Variants in PPP1R12B observed in about 807,000 individuals in gnomAD.
The protein encoded by PPP1R12B is myosin phosphatase target subunit 2.
A neutral mutation model predicts 126.1 loss-of-function variants in PPP1R12B; 76 were observed. The ratio of observed to expected loss-of-function variants is 0.60; its 90% CI spans 0.50 to 0.73. The LOEUF (loss-of-function observed/expected upper bound fraction) is 0.73, where lower values mean the gene tolerates loss of function less well. Among genes scored for constraint, PPP1R12B ranks in the 30% least tolerant of loss-of-function variants. The pLI, the probability that PPP1R12B is intolerant of heterozygous loss-of-function variation, is 0.00. For synonymous variants in PPP1R12B, 356 were observed against 434.7 expected (o/e 0.82, Z 2.25); for missense variants, 1,052 against 1,205.1 (o/e 0.87, Z 1.88).
chr1:202,415,548 T>C (rs1461097884), intron 1 of PPP1R12B, among the ~76,000 whole-genome samples: 1 of 152,216 alleles, frequency 6.6e-6, no homozygotes, highest in Admixed American at 6.5e-5. Flanking sequence ...ATCCAAGCCT[T>C]GGTAATGGTT....
chr1:202,359,207 C>T (rs945850626), intron 1 of PPP1R12B, among the ~76,000 whole-genome samples: 11 of 151,772 alleles, frequency 7.2e-5, no homozygotes, highest in Admixed American at 1.3e-4. Context: ...TGCAGTGGTG[C>T]GATCTTGGCC....
chr1:202,446,248 A>AT (rs1684193784), intron 12 of PPP1R12B, among the ~76,000 whole-genome samples: 2 of 60,686 alleles, frequency 3.3e-5, no homozygotes, highest in African/African-American at 1.8e-4. Context: ...ATATATATAT[A>AT]TATATATATT....
chr1:202,569,575 G>A (rs1688397692), intron 23 of PPP1R12B, among the ~76,000 whole-genome samples: 2 of 152,170 alleles, frequency 1.3e-5, no homozygotes, highest in African/African-American at 4.8e-5. Context: ...TGGGTGCCTG[G>A]GGAAGCCTGA....
rs1477475751 is a variant in PPP1R12B at position 202,351,741 on chromosome 1, C to A, written c.291+2599C>A. 2.0e-5 allele frequency among the ~76,000 whole-genome samples: 3 copies of A among 152,200 alleles called. No homozygotes were observed. In the East Asian group the frequency reaches 5.8e-4, roughly 29 times the overall value. ...TTATCTGGATAATTGCTTCTTTTCT[C>A]TCTTTTGGCCATGGCCACTTGACCA... On this transcript the variant is annotated intron_variant, in intron 1 of 23. Transcript: ENST00000608999.
Position 202,495,373 on chromosome 1 carries a change from A to C in PPP1R12B, c.2226A>C (p.Ser742=). The C allele has an allele frequency of 6.2e-7, 1 of 1,605,186 alleles. No individual in the cohort carries two copies. The change falls in exon 16 of 24, where the codon TCA becomes TCC. Residue 742 remains serine, a synonymous_variant. Coordinates refer to ENST00000608999, the MANE Select transcript of PPP1R12B (RefSeq NM_002481.4). ...CATCTCCTTCTACGTCAAGACCCTC[A>C]CTCTACACCAGTTCCCACCTGCTAT... ...TPASPSTSRP[S]LYTSSHLLWT...
rs1408125254 is a variant in PPP1R12B at position 202,580,875 on chromosome 1, T to C, written c.*315T>C. On this transcript the variant is annotated 3_prime_UTR_variant, in exon 24 of 24. Coordinates refer to ENST00000608999, the MANE Select transcript of PPP1R12B (RefSeq NM_002481.4). The stretch of plus-strand genomic sequence containing the variant: ...ACCCCTCAACTTCCTGCTGCTCAGC[T>C]ACTTTGTCCACATTGGATTTGGTCC... The C allele has an allele frequency of 4.8e-5, 14 of 290,964 alleles. No homozygotes were observed. The highest frequency in any genetic ancestry group is 8.8e-5 in the Non-Finnish European group (13 of 147,978). The allele number at this position is 290,964 out of a possible 1,614,324, so 18.0% of individuals were successfully genotyped here. A position where few individuals can be genotyped will look rare whatever the true frequency, so the allele number is the denominator to read the frequency against.
intron 18 of PPP1R12B, among the ~76,000 whole-genome samples, chr1:202,533,956 A>T (rs1684269726): frequency 6.6e-6 from 1 of 152,172 alleles, no homozygotes; most frequent in African/African-American, 2.4e-5. Context: ...ATCCATTAAT[A>T]CTTCTTTCTT....
chr1:202,376,275 T>C (rs1661165187), intron 1 of PPP1R12B, among the ~76,000 whole-genome samples: 1 of 152,224 alleles, frequency 6.6e-6, no homozygotes, highest in Admixed American at 6.5e-5. Flanking sequence ...ATTAGGAATT[T>C]GATAGCATGT....
chr1:202,467,222 T>C lies in PPP1R12B; in HGVS notation c.1850+18051T>C, dbSNP rs74990812. Among the ~76,000 whole-genome samples the C allele has an allele frequency of 3.8e-4, 55 of 145,066 alleles. No homozygotes were observed. The South Asian group carries it at 4.4e-3, about 12-fold the overall frequency. On this transcript the variant is annotated intron_variant, in intron 13 of 23. Coordinates refer to ENST00000608999, the MANE Select transcript of PPP1R12B (RefSeq NM_002481.4). ...CTTGTTTTGTAGGATGTCTCTCTCTTTTTTTTTTTTTTTAATTATACTTTA... is the reference window on the plus strand; with the variant it reads ...CTTGTTTTGTAGGATGTCTCTCTCTCTTTTTTTTTTTTTAATTATACTTTA...
intron 10 of PPP1R12B, chr1:202,439,473 G>GGTGCCTGGTCCAGCCCATGGAAGT: frequency 6.8e-7 from 1 of 1,475,826 alleles, no homozygotes; most frequent in South Asian, 1.2e-5. Flanking sequence ...CCCCGGCAAG[G>GGTGCCTGGTCCAGCCCATGGAAGT]GTGCCTGGTC....
chr1:202,578,575 CTTTATT>C (rs1689299239), intron 23 of PPP1R12B, among the ~76,000 whole-genome samples: 3 of 152,180 alleles, frequency 2.0e-5, no homozygotes, highest in African/African-American at 7.2e-5. Context: ...AGGACTGCAA[CTTTATT>C]TTTATATTTT....
chr1:202,413,034 C>G (rs190863851), intron 1 of PPP1R12B, among the ~76,000 whole-genome samples: 1 of 151,626 alleles, frequency 6.6e-6, no homozygotes, highest in Non-Finnish European at 1.5e-5. Flanking sequence ...AGTTGATAAA[C>G]CTAAGAAAAC....
intron 18 of PPP1R12B, among the ~76,000 whole-genome samples, chr1:202,529,446 A>G (rs1346831953): frequency 6.6e-6 from 1 of 152,186 alleles, no homozygotes; most frequent in African/African-American, 2.4e-5. Flanking sequence ...TTCTAGATGA[A>G]TCATACATAG....
intron 1 of PPP1R12B, among the ~76,000 whole-genome samples, chr1:202,350,953 T>A (rs1247524697): frequency 6.6e-6 from 1 of 152,128 alleles, no homozygotes. Context: ...AAGAAGGGGA[T>A]GACAGCTATG....
chr1:202,561,698 A>G (rs1465843265), intron 19 of PPP1R12B, among the ~76,000 whole-genome samples: 5 of 152,182 alleles, frequency 3.3e-5, no homozygotes, highest in African/African-American at 9.7e-5. Context: ...AGAGATTTCT[A>G]TTAACAAAAG....
intron 18 of PPP1R12B, among the ~76,000 whole-genome samples, chr1:202,535,588 G>T (rs1684454039): frequency 1.3e-5 from 2 of 152,036 alleles, no homozygotes; most frequent in Non-Finnish European, 2.9e-5. Flanking sequence ...CCGACTACCT[G>T]GTGCTCTTAA....
In PPP1R12B at chr1:202,442,694, C is replaced by T. The variant is rs560408524; in HGVS notation, c.1667+122C>T. Reference sequence around the variant, plus strand: ...GAAATGAATCAAAATGAATTACTTTCAGGTTTCTTAGAATTAACATCTTGA... The same window carrying T: ...GAAATGAATCAAAATGAATTACTTTTAGGTTTCTTAGAATTAACATCTTGA... On this transcript the variant is annotated intron_variant, in intron 12 of 23. Coordinates refer to ENST00000608999, the MANE Select transcript of PPP1R12B (RefSeq NM_002481.4). 144 of 1,106,218 alleles carry T rather than the reference C, an allele frequency of 1.3e-4. No homozygotes were observed. In the African/African-American group the frequency reaches 2.0e-3, roughly 15 times the overall value. The allele number at this position is 1,106,218 out of a possible 1,614,324, so 68.5% of individuals were successfully genotyped here. A position where few individuals can be genotyped will look rare whatever the true frequency, so the allele number is the denominator to read the frequency against.
chr1:202,367,942 G>A (rs1327598402), intron 1 of PPP1R12B, among the ~76,000 whole-genome samples: 1 of 151,886 alleles, frequency 6.6e-6, no homozygotes, highest in Non-Finnish European at 1.5e-5. Flanking sequence ...AAGATAGTGA[G>A]TGCAGTCTCA....
intron 1 of PPP1R12B, among the ~76,000 whole-genome samples, chr1:202,392,791 G>A (rs1664336611): frequency 1.3e-5 from 2 of 151,918 alleles, no homozygotes; most frequent in South Asian, 4.2e-4. Flanking sequence ...CCTCCCATAA[G>A]TGCTGGGATT....
Sources: gnomAD v4.1 joint callset for allele counts (sites outside exome capture counted in the v4.1 genomes callset) on GRCh38, gnomAD v4.1.1 for gene constraint, MANE v1.5 for transcripts, NCBI Gene and HGNC (gene_info 2026-07-23, HGNC 2026-07-21) for gene names.